LHX9: variants seen among roughly 807,000 people sequenced by gnomAD.
The protein encoded by LHX9 is LIM homeobox 9.
A neutral mutation model predicts 36.5 loss-of-function variants in LHX9; 9 were observed. The ratio of observed to expected loss-of-function variants is 0.25; its 90% CI spans 0.15 to 0.43. The LOEUF (loss-of-function observed/expected upper bound fraction) is 0.43, where lower values mean the gene tolerates loss of function less well. Among genes scored for constraint, LHX9 ranks in the 20% least tolerant of loss-of-function variants. The pLI is 1.00. For synonymous variants in LHX9, 211 were observed against 212.1 expected, an observed-to-expected ratio of 0.99 and a Z score of 0.04; for missense variants, 464 against 526.4, an observed-to-expected ratio of 0.88 and a Z score of 1.16.
At position 197,931,708 on chromosome 1, in the gene LHX9, GC is replaced by G; in HGVS notation, c.*2453del. ...TATATTTGCTTATAACAAAAGTAAT[GC>G]CCCACTGATTTGACTCAGTCCAATT... On this transcript the variant is annotated 3_prime_UTR_variant, in exon 5 of 5. Coordinates refer to ENST00000367387, the MANE Select transcript of LHX9 (RefSeq NM_020204.3). 2.2e-6 allele frequency: 1 copy of G among 444,946 alleles called. No individual in the cohort carries two copies. The highest frequency in any genetic ancestry group is 4.1e-6 in the Non-Finnish European group (1 of 244,538). The allele number at this position is 444,946 out of a possible 1,614,324, so 27.6% of individuals were successfully genotyped here.
At chr1:197,918,531 A>T (rs947430323) in intron 1 of LHX9, 16 of 612,446 alleles carry the variant, frequency 2.6e-5, no homozygotes, top group Admixed American at 5.4e-5. Flanking sequence ...AGAGAATCTC[A>T]GGGTTTCTGG....
At chr1:197,916,621 G>C, upstream of LHX9, 1 of 702,660 alleles carries the variant, frequency 1.4e-6, no homozygotes, top group East Asian at 2.7e-5. Context: ...TCCATGCCCT[G>C]TCCCCTACAC....
In LHX9 at chr1:197,917,576, C is replaced by CA. The variant is rs1237432850; in HGVS notation, c.-248_-247insA. The CA allele has an allele frequency of 2.0e-6, 3 of 1,494,646 alleles. No homozygotes were observed. Among genetic ancestry groups the CA allele is most frequent in the Non-Finnish European group, 2.7e-6 (3 of 1,114,680 alleles). 92.6% of individuals were successfully genotyped at this position (1,494,646 alleles called of 1,614,324 possible). A position where few individuals can be genotyped will look rare whatever the true frequency, so the allele number is the denominator to read the frequency against. ...CGCCTTCTACGCCTCTTTTTCCCTCCGCCCGAATTGTTTGTTTTCTGCACA... is the reference window on the plus strand; with the variant it reads ...CGCCTTCTACGCCTCTTTTTCCCTCCAGCCCGAATTGTTTGTTTTCTGCACA... On this transcript the variant is annotated 5_prime_UTR_variant, in exon 1 of 5. Transcript: ENST00000367387.
chr1:197,924,559 G>A (rs1203604344), intron 3 of LHX9, among the ~76,000 whole-genome samples: 1 of 152,224 alleles, frequency 6.6e-6, no homozygotes, highest in Non-Finnish European at 1.5e-5. Flanking sequence ...AGAAGATTTA[G>A]TTTAGGATAG....
Position 197,917,785 on chromosome 1 carries a change from C to T in LHX9, c.-39C>T. 2.5e-6 allele frequency: 4 copies of T among 1,614,022 alleles called. 1 individual carries two copies. The highest frequency in any genetic ancestry group is 2.2e-5 in the South Asian group (2 of 91,064). ...GGCAGCCCTCTCTGGTCCCTTGCCT[C>T]CTTCACTCGGATGAGCTGAAAGCCC... On this transcript the variant is annotated 5_prime_UTR_variant, in exon 1 of 5. Coordinates refer to ENST00000367387, the MANE Select transcript of LHX9 (RefSeq NM_020204.3).
At chr1:197,915,459 G>T (rs892185992), upstream of LHX9, among the ~76,000 whole-genome samples, 4 of 152,190 alleles carry the variant, frequency 2.6e-5, no homozygotes, top group Non-Finnish European at 5.9e-5. Context: ...GGTTTGAAAA[G>T]CTCATTGATT....
upstream of LHX9, chr1:197,916,308 T>C (rs533230734): frequency 1.0e-3 from 236 of 229,496 alleles, 2 homozygotes; most frequent in South Asian, 0.018. Context: ...ATTCTGCTTG[T>C]CAGTTCTCAC....
upstream of LHX9, among the ~76,000 whole-genome samples, chr1:197,915,295 T>G (rs1659713765): frequency 6.6e-6 from 1 of 152,212 alleles, no homozygotes; most frequent in African/African-American, 2.4e-5. Flanking sequence ...AGACTCCTCC[T>G]CCTCCTCCTC....
rs1287926137 is a variant in LHX9 at position 197,921,479 on chromosome 1, G to T, written c.553G>T (p.Ala185Ser). ...GMKDSLVYCR[A>S]HFETLLQGEY... ...GAAGGACAGCCTGGTGTACTGCCGC[G>T]CCCACTTCGAGACCCTCTTGCAAGG... The change falls in exon 3 of 5, where the codon GCC becomes TCC. Residue 185 changes from alanine (A) to serine (S), a missense_variant. Physicochemically the swap from Ala to Ser is moderately conservative, Grantham distance 99 (BLOSUM62 1). This residue lies in a region of LHX9 where 93 missense variants were observed against 150.3 expected (regional missense o/e 0.62). Transcript: ENST00000367387. This position sits in a 1 kb window ranked among gnomAD's most constrained non-coding sequence, Gnocchi z 4.6. The T allele has an allele frequency of 5.6e-6, 9 of 1,614,200 alleles. No individual in the cohort carries two copies. Among genetic ancestry groups the T allele is most frequent in the Non-Finnish European group, 6.8e-6 (8 of 1,180,046 alleles).
intron 3 of LHX9, among the ~76,000 whole-genome samples, chr1:197,924,510 T>C (rs949700798): frequency 6.6e-6 from 1 of 152,248 alleles, no homozygotes. Flanking sequence ...AAAGTTTACC[T>C]GAAATGCTAG....
rs532323447 is a variant in LHX9, at chr1:197,926,186, T to G, written c.734-1405T>G. ...CTGAATATTTTTTAAAAAGTAATTC[T>G]AAACAGAGCCTAGCAGGCAGATAAC... is the stretch of plus-strand genomic sequence containing the variant. On this transcript the variant is annotated intron_variant, in intron 3 of 4. Coordinates refer to ENST00000367387, the MANE Select transcript of LHX9 (RefSeq NM_020204.3). Among the ~76,000 whole-genome samples the G allele has an allele frequency of 2.0e-5, 3 of 152,348 alleles. No individual in the cohort carries two copies. The East Asian group carries it at 5.8e-4, about 29-fold the overall frequency.
chr1:197,918,354 C>A, intron 1 of LHX9: 1 of 717,426 alleles, frequency 1.4e-6, no homozygotes, highest in Non-Finnish European at 2.6e-6. Flanking sequence ...CGAGGGCAAG[C>A]TGGGCATAAG....
Position 197,931,741 on chromosome 1 carries a change from A to C in LHX9, c.*2482A>C, listed in dbSNP as rs1660332827. 2.1e-6 allele frequency: 1 copy of C among 486,696 alleles called. No individual in the cohort carries two copies. Among genetic ancestry groups the C allele is most frequent in the South Asian group, 4.8e-5 (1 of 20,876 alleles). 30.1% of individuals were successfully genotyped at this position (486,696 alleles called of 1,614,324 possible). ...GATTTGACTCAGTCCAATTTTTAGAATAAAAAGGCTAATTAGCATATAAAG... is the reference window on the plus strand; with the variant it reads ...GATTTGACTCAGTCCAATTTTTAGACTAAAAAGGCTAATTAGCATATAAAG... On this transcript the variant is annotated 3_prime_UTR_variant, in exon 5 of 5. Transcript: ENST00000367387.
chr1:197,930,434 A>G lies in LHX9; in HGVS notation c.*1175A>G, dbSNP rs949323852. On this transcript the variant is annotated 3_prime_UTR_variant, in exon 5 of 5. Transcript: ENST00000367387. ...TTTTTTTCTTTTAATTTAAGCTAAA[A>G]TCTTAATGGTCTGGGCAGTGGTGAA... 1 of 152,034 alleles carries G rather than the reference A, an allele frequency of 6.6e-6. No individual in the cohort carries two copies. Among genetic ancestry groups the G allele is most frequent in the Non-Finnish European group, 1.5e-5 (1 of 67,910 alleles). The allele number at this position is 152,034 out of a possible 1,614,324, so 9.4% of individuals were successfully genotyped here.
Position 197,931,307 on chromosome 1 carries a change from A to AT in LHX9, c.*2050dup, listed in dbSNP as rs1660319904. The AT allele has an allele frequency of 6.6e-6, 1 of 152,040 alleles. No homozygotes were observed. The highest frequency in any genetic ancestry group is 1.5e-5 in the Non-Finnish European group (1 of 67,890). 9.4% of individuals were successfully genotyped at this position (152,040 alleles called of 1,614,324 possible). A position where few individuals can be genotyped will look rare whatever the true frequency, so the allele number is the denominator to read the frequency against. The stretch of plus-strand genomic sequence containing the variant: ...GTTGATAAATTCAATAATCTTATAT[A>AT]TTGAGCTTCGTGTTTATAGTACAGT... On this transcript the variant is annotated 3_prime_UTR_variant, in exon 5 of 5. Coordinates refer to ENST00000367387, the MANE Select transcript of LHX9 (RefSeq NM_020204.3).
In LHX9 at chr1:197,929,812, A is replaced by G. The variant is rs554877848; in HGVS notation, c.*553A>G. On this transcript the variant is annotated 3_prime_UTR_variant, in exon 5 of 5. Coordinates refer to ENST00000367387, the MANE Select transcript of LHX9 (RefSeq NM_020204.3). ...TGAACTGTTAATTCAAGTGAGGAAT[A>G]TGATGAAATAAAAGCATTAACTACA... 11 of 940,516 alleles carry G rather than the reference A, an allele frequency of 1.2e-5. No homozygotes were observed. Among genetic ancestry groups the G allele is most frequent in the Non-Finnish European group, 1.4e-5 (11 of 788,948 alleles). 58.3% of individuals were successfully genotyped at this position (940,516 alleles called of 1,614,324 possible).
chr1:197,916,516 A>C (rs1365941250), upstream of LHX9: 3 of 606,646 alleles, frequency 4.9e-6, no homozygotes, highest in East Asian at 8.3e-5. Context: ...CAAATGAGAC[A>C]TTAGAATCTC....
chr1:197,913,506 A>G (rs1389100660), upstream of LHX9, among the ~76,000 whole-genome samples: 1 of 152,160 alleles, frequency 6.6e-6, no homozygotes, highest in Admixed American at 6.5e-5. Context: ...ACCTCAGTGT[A>G]GGGGGAAATT....
chr1:197,929,661 A>G lies in LHX9; in HGVS notation c.*402A>G. On this transcript the variant is annotated 3_prime_UTR_variant, in exon 5 of 5. Transcript: ENST00000367387. ...CACTTAAATGATTAGGTTAATAAAG[A>G]ACCAGATAATTAATTAGTTACTTTT... 1 of 911,300 alleles carries G rather than the reference A, an allele frequency of 1.1e-6. No homozygotes were observed. The highest frequency in any genetic ancestry group is 1.3e-6 in the Non-Finnish European group (1 of 762,376). The allele number at this position is 911,300 out of a possible 1,614,324, so 56.5% of individuals were successfully genotyped here. A position where few individuals can be genotyped will look rare whatever the true frequency, so the allele number is the denominator to read the frequency against.
Sources: gnomAD v4.1 joint callset for allele counts (sites outside exome capture counted in the v4.1 genomes callset) on GRCh38, gnomAD v4.1.1 for gene constraint, gnomAD v4.1.1 regional missense constraint, Gnocchi (gnomAD v3.1) non-coding constraint, MANE v1.5 for transcripts, NCBI Gene and HGNC (gene_info 2026-07-23, HGNC 2026-07-21) for gene names.